DNAH12: variants seen among roughly 807,000 people sequenced by gnomAD.
The protein encoded by DNAH12 is axonemal beta dynein heavy chain 12.
A neutral mutation model predicts 371.5 loss-of-function variants in DNAH12; 285 were observed. That is an observed-to-expected ratio of 0.77 (90% CI 0.70 to 0.85). The LOEUF is 0.85. DNAH12 is among the 40% of genes least tolerant of loss of function. The pLI, the probability that DNAH12 is intolerant of heterozygous loss-of-function variation, is 0.00. For synonymous variants in DNAH12, 1,200 were observed against 1,213.0 expected (o/e 0.99, Z 0.22); for missense variants, 3,611 against 3,689.4 (o/e 0.98, Z 0.55).
At chr3:57,546,987 A>C (rs1479645122), upstream of DNAH12, among the ~76,000 whole-genome samples, 3 of 152,014 alleles carry the variant, frequency 2.0e-5, no homozygotes, top group African/African-American at 7.2e-5. Context: ...CTATTTTAAA[A>C]AATTAAAAAT....
At position 57,403,359 on chromosome 3, in the gene DNAH12, G is replaced by A. The variant is rs781910958; in HGVS notation, c.6898C>T (p.Pro2300Ser). Residue 2300 changes from proline (P) to serine (S), a missense_variant, in exon 43 of 74, where the codon CCA (proline) becomes TCA (serine). This residue lies in a region of DNAH12 where 2,266 missense variants were observed against 2,236.9 expected (regional missense o/e 1.01). Coordinates refer to ENST00000495027, the MANE Select transcript of DNAH12 (RefSeq NM_001366028.2). ...TSMAKMHIFQPEISKSYGMNE... is the reference protein window; with the variant it reads ...TSMAKMHIFQSEISKSYGMNE... ...ATACCATAGCTCTTAGAAATTTCTG[G>A]TTGGAAAATATGCATTTTTGCCATG... 6.4e-7 allele frequency: 1 copy of A among 1,550,600 alleles called. No individual in the cohort carries two copies. Among genetic ancestry groups the A allele is most frequent in the South Asian group, 1.2e-5 (1 of 83,836 alleles).
chr3:57,360,618 C>T (rs2062904337), intron 58 of DNAH12, among the ~76,000 whole-genome samples: 3 of 152,090 alleles, frequency 2.0e-5, no homozygotes, highest in Admixed American at 2.0e-4. Context: ...AACTCGGAGG[C>T]GAAGGTTGCA....
intron 20 of DNAH12, 142 bp downstream of exon 20, chr3:57,459,450 G>T: frequency 1.3e-6 from 1 of 765,698 alleles, no homozygotes; most frequent in Non-Finnish European, 1.9e-6. Flanking sequence ...ATACTTTTAT[G>T]CTTTCTTATA....
chr3:57,432,863 T>A (rs1454731852), intron 32 of DNAH12, among the ~76,000 whole-genome samples: 1 of 151,978 alleles, frequency 6.6e-6, no homozygotes, highest in Non-Finnish European at 1.5e-5. Context: ...TTAAAAATCA[T>A]AGAATCTACA....
At position 57,405,872 on chromosome 3, in the gene DNAH12, G is replaced by A. The variant is rs1157298735; in HGVS notation, c.6357C>T (p.Arg2119=). 17 of 1,551,258 alleles carry A rather than the reference G, an allele frequency of 1.1e-5. No individual in the cohort carries two copies. Among genetic ancestry groups the A allele is most frequent in the East Asian group, 4.9e-5 (2 of 40,926 alleles). Reference sequence around the variant, plus strand: ...CAATGAGTAAACAGCCCCGGATGACGCGTGAAAAATCACGCAAGTTGAAAG... The same window carrying A: ...CAATGAGTAAACAGCCCCGGATGACACGTGAAAAATCACGCAAGTTGAAAG... The part of the protein sequence containing the change: ...HYTFNLRDFS[R]VIRGCLLIER... The change falls in exon 41 of 74, where the codon CGC becomes CGT. Residue 2119 remains arginine (R), a synonymous_variant. Transcript: ENST00000495027.
At chr3:57,320,409 T>C (rs555017911) in intron 65 of DNAH12, among the ~76,000 whole-genome samples, 3 of 152,346 alleles carry the variant, frequency 2.0e-5, no homozygotes, top group South Asian at 2.1e-4. Context: ...GGCAGATCTA[T>C]AGACTCATAA....
chr3:57,457,251 T>G (rs2065926537), intron 22 of DNAH12, among the ~76,000 whole-genome samples: 1 of 152,196 alleles, frequency 6.6e-6, no homozygotes, highest in African/African-American at 2.4e-5. Flanking sequence ...CTAACTGCCT[T>G]CCTTTCCAAC....
chr3:57,428,392 A>G, intron 34 of DNAH12: 1 of 1,430,744 alleles, frequency 7.0e-7, no homozygotes. Context: ...TGAAATACGG[A>G]AAGTAATTAG....
chr3:57,480,189 A>C, intron 13 of DNAH12, among the ~76,000 whole-genome samples: 1 of 148,640 alleles, frequency 6.7e-6, no homozygotes, highest in African/African-American at 2.4e-5. Context: ...CTAATAAAGA[A>C]GAAAAGAGAG....
At chr3:57,421,734 T>C (rs1401924551) in intron 35 of DNAH12, 28 bp from the exon 36 acceptor site, 40 of 1,550,768 alleles carry the variant, frequency 2.6e-5, no homozygotes, top group Non-Finnish European at 3.4e-5. Flanking sequence ...ATTTAACTTA[T>C]AGCAATTATT....
intron 57 of DNAH12, among the ~76,000 whole-genome samples, chr3:57,364,916 T>C (rs2063014399): frequency 1.3e-5 from 2 of 152,346 alleles, no homozygotes; most frequent in South Asian, 2.1e-4. Context: ...CACAATGAGA[T>C]ACCATCTTAT....
intron 55 of DNAH12, among the ~76,000 whole-genome samples, chr3:57,373,237 C>T (rs2063212511): frequency 6.6e-6 from 1 of 151,954 alleles, no homozygotes; most frequent in East Asian, 1.9e-4. Flanking sequence ...AATATTTGTC[C>T]CAAGCTAGAC....
intron 9 of DNAH12, among the ~76,000 whole-genome samples, chr3:57,502,966 C>T (rs1231372216): frequency 6.6e-6 from 1 of 152,226 alleles, no homozygotes; most frequent in African/African-American, 2.4e-5. Context: ...AGGCGTGAGC[C>T]ATTGCGCCTG....
intron 12 of DNAH12, among the ~76,000 whole-genome samples, chr3:57,489,066 A>C (rs1461773318): frequency 6.6e-6 from 1 of 152,158 alleles, no homozygotes; most frequent in Non-Finnish European, 1.5e-5. Context: ...TACATGACAC[A>C]CTCAAGTAGC....
chr3:57,438,298 C>T (rs1314418619), intron 29 of DNAH12, among the ~76,000 whole-genome samples: 20 of 151,374 alleles, frequency 1.3e-4, no homozygotes, highest in African/African-American at 4.6e-4. Flanking sequence ...GCAACAAGAG[C>T]GAAACTTCGT....
chr3:57,415,630 G>T, intron 37 of DNAH12, 66 bp from the exon 38 acceptor site: 1 of 1,445,458 alleles, frequency 6.9e-7, no homozygotes, highest in South Asian at 1.4e-5. Context: ...TCTACTAAAG[G>T]AGGCGGTAGT....
chr3:57,518,246 C>T (rs1167962725), intron 4 of DNAH12, among the ~76,000 whole-genome samples: 3 of 152,018 alleles, frequency 2.0e-5, no homozygotes, highest in South Asian at 2.1e-4. Flanking sequence ...AATTCCTGGC[C>T]GGGCACGGTG....
intron 43 of DNAH12, among the ~76,000 whole-genome samples, chr3:57,397,178 G>C (rs2063759276): frequency 6.6e-6 from 1 of 150,420 alleles, no homozygotes; most frequent in South Asian, 2.1e-4. Context: ...TAATGGGCTA[G>C]GAAGCTCTAG....
At chr3:57,498,237 A>C in intron 11 of DNAH12, 1 of 415,660 alleles carries the variant, frequency 2.4e-6, no homozygotes, top group Non-Finnish European at 4.3e-6. Context: ...CCAAAGGTTG[A>C]AAAGGATGTG....
Sources: gnomAD v4.1 joint callset for allele counts (sites outside exome capture counted in the v4.1 genomes callset) on GRCh38, gnomAD v4.1.1 for gene constraint, gnomAD v4.1.1 regional missense constraint, MANE v1.5 for transcripts, NCBI Gene and HGNC (gene_info 2026-07-23, HGNC 2026-07-21) for gene names.